Variants in KIAA0825 observed in about 807,000 individuals in gnomAD.
KIAA0825 encodes the protein KIAA0825.
KIAA0825 carries 119 observed loss-of-function variants against 147.6 expected under a neutral mutation model. The ratio of observed to expected loss-of-function variants is 0.81; its 90% CI spans 0.69 to 0.94. KIAA0825 has a LOEUF of 0.94. Ranked by LOEUF, KIAA0825 falls within the 40% of genes least tolerant of loss-of-function variation. The pLI, the probability that KIAA0825 is intolerant of heterozygous loss-of-function variation, is 0.00. For synonymous variants in KIAA0825, 470 were observed against 518.1 expected (o/e 0.91, Z 1.26); for missense variants, 1,381 against 1,472.7 (o/e 0.94, Z 1.02).
chr5:94,218,277 C>T (rs1406293545), intron 20 of KIAA0825, among the ~76,000 whole-genome samples: 1 of 152,168 alleles, frequency 6.6e-6, no homozygotes. Flanking sequence ...TTTTCTCATG[C>T]TTTTCTTCCC....
At chr5:94,604,384 C>A (rs536962779) in intron 1 of KIAA0825, among the ~76,000 whole-genome samples, 1 of 152,254 alleles carries the variant, frequency 6.6e-6, no homozygotes. Flanking sequence ...CATGGCGAAA[C>A]CCTGTCTCTA....
chr5:94,394,865 A>G (rs1235668788), intron 17 of KIAA0825, among the ~76,000 whole-genome samples: 1 of 152,138 alleles, frequency 6.6e-6, no homozygotes, highest in African/African-American at 2.4e-5. Flanking sequence ...ATTGCCACCC[A>G]TGGGACACTC....
intron 3 of KIAA0825, among the ~76,000 whole-genome samples, chr5:94,529,243 TA>T (rs61345271): frequency 0.037 from 4,555 of 122,082 alleles, 379 homozygotes; most frequent in African/African-American, 0.069. Flanking sequence ...TATGTATATA[TA>T]CATATATATG....
intron 20 of KIAA0825, among the ~76,000 whole-genome samples, chr5:94,184,840 TC>T (rs947436536): frequency 6.6e-6 from 1 of 152,198 alleles, no homozygotes; most frequent in Non-Finnish European, 1.5e-5. Flanking sequence ...CTGTACTTTG[TC>T]AATGAAGAAT....
chr5:94,581,621 C>A (rs966202263), intron 2 of KIAA0825, among the ~76,000 whole-genome samples: 2 of 152,148 alleles, frequency 1.3e-5, no homozygotes, highest in South Asian at 4.1e-4. Context: ...TTTGAAACTC[C>A]TGAATTTTGT....
intron 20 of KIAA0825, among the ~76,000 whole-genome samples, chr5:94,314,475 A>T (rs973857563): frequency 6.6e-5 from 10 of 151,718 alleles, no homozygotes; most frequent in African/African-American, 2.2e-4. Context: ...CCCAGACATA[A>T]ATAATAAAAC....
At chr5:94,371,607 A>G (rs1391016849) in intron 20 of KIAA0825, among the ~76,000 whole-genome samples, 2 of 152,180 alleles carry the variant, frequency 1.3e-5, no homozygotes, top group East Asian at 3.9e-4. Context: ...CACTATCACT[A>G]GAACAGTATG....
At chr5:94,586,633 T>C (rs559086519) in intron 1 of KIAA0825, among the ~76,000 whole-genome samples, 2 of 152,322 alleles carry the variant, frequency 1.3e-5, no homozygotes, top group African/African-American at 4.8e-5. Context: ...GCTTGTATCA[T>C]TCCTTCTGAG....
intron 9 of KIAA0825, among the ~76,000 whole-genome samples, chr5:94,470,806 C>A (rs904126120): frequency 6.6e-6 from 1 of 152,096 alleles, no homozygotes; most frequent in Non-Finnish European, 1.5e-5. Context: ...AGAATAGATT[C>A]TCGGGGTCAC....
chr5:94,424,228 A>G (rs1754550424), intron 14 of KIAA0825, among the ~76,000 whole-genome samples: 1 of 152,118 alleles, frequency 6.6e-6, no homozygotes, highest in African/African-American at 2.4e-5. Context: ...CTTATATTAA[A>G]TATACACATT....
Position 94,524,040 on chromosome 5 carries a change from G to A in KIAA0825, c.190C>T (p.Gln64Ter). 1 of 1,609,572 alleles carries A rather than the reference G, an allele frequency of 6.2e-7. No individual in the cohort carries two copies. The highest frequency in any genetic ancestry group is 8.5e-7 in the Non-Finnish European group (1 of 1,177,014). Reference sequence around the variant, plus strand: ...AAGCAGTCAGTTGTTGTTTGCAGCTGCACACCTGGACATTGTTTGTTAATT... The same window carrying A: ...AAGCAGTCAGTTGTTGTTTGCAGCTACACACCTGGACATTGTTTGTTAATT... ...SEINKQCPGV[Q>*]LQTTTDCFEW... The change falls in exon 4 of 21, where the codon CAG becomes TAG. Residue 64 changes from glutamine (Q) to a stop codon, truncating the protein, a stop_gained. Transcript: ENST00000682413. LOFTEE classifies it high-confidence loss of function.
rs545535361 is a variant in KIAA0825 at position 94,319,089 on chromosome 5, A to G, written c.3710+65279T>C. Among the ~76,000 whole-genome samples the G allele has an allele frequency of 7.9e-5, 12 of 152,056 alleles. No homozygotes were observed. The South Asian group carries it at 2.5e-3, about 31-fold the overall frequency. ...AATAAGTCCAAGTGTGGTGACTGAC[A>G]AGGATAGGGATGTCTGAAGCCAGGG... On this transcript the variant is annotated intron_variant, in intron 20 of 20. Coordinates refer to ENST00000682413, the MANE Select transcript of KIAA0825 (RefSeq NM_001145678.3).
chr5:94,559,813 A>C (rs1216057311), intron 2 of KIAA0825, among the ~76,000 whole-genome samples: 1 of 152,200 alleles, frequency 6.6e-6, no homozygotes, highest in African/African-American at 2.4e-5. Flanking sequence ...AAGGTTCTTT[A>C]AACTCATGAT....
chr5:94,385,447 C>A (rs956734741), intron 19 of KIAA0825, among the ~76,000 whole-genome samples: 44 of 152,144 alleles, frequency 2.9e-4, no homozygotes, highest in Non-Finnish European at 1.2e-4. Context: ...TATCTGCATG[C>A]TGAATTAGGC....
chr5:94,545,950 C>G (rs927708377), intron 2 of KIAA0825, among the ~76,000 whole-genome samples: 8 of 152,204 alleles, frequency 5.3e-5, no homozygotes, highest in African/African-American at 1.9e-4. Context: ...GATGGCATTT[C>G]TGGCCCTGCC....
intron 2 of KIAA0825, among the ~76,000 whole-genome samples, chr5:94,576,916 C>A (rs528017452): frequency 6.6e-6 from 1 of 152,142 alleles, no homozygotes; most frequent in Non-Finnish European, 1.5e-5. Context: ...TTTAACTCTT[C>A]TTAAAAAAAA....
intron 20 of KIAA0825, among the ~76,000 whole-genome samples, chr5:94,378,875 A>G (rs760104819): frequency 2.1e-4 from 32 of 151,770 alleles, no homozygotes; most frequent in Non-Finnish European, 3.5e-4. Flanking sequence ...GCTTTTTTTC[A>G]TATGTTTGTT....
chr5:94,178,935 T>C (rs1157460232), intron 20 of KIAA0825, among the ~76,000 whole-genome samples: 1 of 152,104 alleles, frequency 6.6e-6, no homozygotes, highest in Non-Finnish European at 1.5e-5. Context: ...ATATCAATGA[T>C]ATGCCATTCA....
chr5:94,174,794 A>G (rs1343076770), intron 20 of KIAA0825, among the ~76,000 whole-genome samples: 1 of 152,192 alleles, frequency 6.6e-6, no homozygotes, highest in Non-Finnish European at 1.5e-5. Flanking sequence ...TCTTTTAGTC[A>G]GATGAGTGTC....
Sources: gnomAD v4.1 joint callset for allele counts (sites outside exome capture counted in the v4.1 genomes callset) on GRCh38, gnomAD v4.1.1 for gene constraint, MANE v1.5 for transcripts, NCBI Gene and HGNC (gene_info 2026-07-23, HGNC 2026-07-21) for gene names.